The following DDX56 variants were observed in gnomAD, a reference collection of about 807,000 sequenced individuals.
The protein encoded by DDX56 is probable ATP-dependent RNA helicase DDX56.
A neutral mutation model predicts 61.5 loss-of-function variants in DDX56; 45 were observed. The observed-to-expected ratio is 0.73, with a 90% CI of 0.58 to 0.94. The LOEUF (loss-of-function observed/expected upper bound fraction) is 0.94, where lower values mean the gene tolerates loss of function less well. Ranked by LOEUF, DDX56 falls within the 40% of genes least tolerant of loss-of-function variation. The probability of loss-of-function intolerance (pLI) is 0.00; values close to 1 mark genes in which losing one functional copy is unlikely to be tolerated. For synonymous variants in DDX56, 273 were observed against 268.3 expected (o/e 1.02, Z -0.17); for missense variants, 708 against 690.7 (o/e 1.02, Z -0.28).
chr7:44,572,761 C>T lies in DDX56; in HGVS notation c.384-17G>A. ...AGCACAGCTCTGGAGGTGGACAAGA[C>T]ATCAGTATCAGGCAGAATGTAGCAG... On this transcript the variant is annotated splice_polypyrimidine_tract_variant and intron_variant, in intron 3 of 13. Transcript: ENST00000258772. The T allele has an allele frequency of 1.9e-6, 3 of 1,613,952 alleles. No individual in the cohort carries two copies. Among genetic ancestry groups the T allele is most frequent in the Non-Finnish European group, 2.5e-6 (3 of 1,179,862 alleles).
chr7:44,568,206 G>T lies in DDX56; in HGVS notation c.1401C>A (p.Asn467Lys), dbSNP rs1462087972. 6.2e-7 allele frequency: 1 copy of T among 1,611,780 alleles called. No homozygotes were observed. Among genetic ancestry groups the T allele is most frequent in the Non-Finnish European group, 8.5e-7 (1 of 1,178,324 alleles). Residue 467 changes from asparagine to lysine, a missense_variant, in exon 12 of 14, where the codon AAC becomes AAA. Asn to Lys is a moderately conservative substitution (Grantham distance 94, BLOSUM62 0). Transcript: ENST00000258772. ...GCCGCAGCAGCTGGAGGTCCCTAGG[G>T]TTGTCTTCAAAGTATGTCTGCCGGG... Reference protein sequence around the residue: ...SEKLKTYFEDNPRDLQLLRHD... With the variant: ...SEKLKTYFEDKPRDLQLLRHD...
Position 44,571,669 on chromosome 7 carries a change from C to T in DDX56, c.713G>A (p.Cys238Tyr), listed in dbSNP as rs1295574616. The T allele has an allele frequency of 1.2e-6, 2 of 1,614,154 alleles. No individual in the cohort carries two copies. Among genetic ancestry groups the T allele is most frequent in the Admixed American group, 1.7e-5 (1 of 60,020 alleles). ...PDQLQQFQVV[C>Y]ETEEDKFLLL... ...GAGGAATTTGTCTTCCTCAGTCTCA[C>T]AGACCACCTGAAACTGCTGTAACTG... Residue 238 changes from cysteine (C) to tyrosine (Y), a missense_variant, in exon 6 of 14, where the codon TGT (cysteine) becomes TAT (tyrosine). Cys to Tyr is a radical substitution (Grantham distance 194, BLOSUM62 -2). Coordinates refer to ENST00000258772, the MANE Select transcript of DDX56 (RefSeq NM_019082.4).
At chr7:44,566,574 C>G in intron 12 of DDX56, 50 bp from the exon 13 acceptor site, 1 of 1,402,576 alleles carries the variant, frequency 7.1e-7, no homozygotes, top group Non-Finnish European at 9.7e-7. Flanking sequence ...CTGCTCCCAT[C>G]CCTGCCCTCC....
intron 7 of DDX56, among the ~76,000 whole-genome samples, 196 bp from the exon 8 acceptor site, chr7:44,570,324 C>T (rs1195632498): frequency 6.6e-6 from 1 of 152,210 alleles, no homozygotes; most frequent in African/African-American, 2.4e-5. Context: ...ACCCAAATCT[C>T]GGCCTGACCT....
intron 12 of DDX56, chr7:44,567,674 C>G (rs1802576930): frequency 3.9e-6 from 1 of 258,736 alleles, no homozygotes; most frequent in Admixed American, 5.1e-5. Context: ...GAGTCTGTCT[C>G]CCTGCTGACT....
chr7:44,566,793 G>T (rs1802549616), intron 12 of DDX56, among the ~76,000 whole-genome samples: 1 of 152,102 alleles, frequency 6.6e-6, no homozygotes, highest in Non-Finnish European at 1.5e-5. Context: ...AGAAAATGCA[G>T]CTGAAATAAA....
chr7:44,567,986 G>A (rs912602127), intron 12 of DDX56, 132 bp downstream of exon 12: 48 of 734,254 alleles, frequency 6.5e-5, no homozygotes, highest in African/African-American at 1.6e-4. Flanking sequence ...ACATGCCCGC[G>A]TGCTGCCAGG....
chr7:44,569,284 C>A, intron 9 of DDX56, 81 bp from the exon 10 acceptor site: 3 of 1,364,976 alleles, frequency 2.2e-6, no homozygotes, highest in Non-Finnish European at 3.1e-6. Context: ...TGCACCTCCC[C>A]CTTGGGGGAA....
chr7:44,567,297 G>A (rs1238768630), intron 12 of DDX56, among the ~76,000 whole-genome samples: 2 of 152,130 alleles, frequency 1.3e-5, no homozygotes, highest in African/African-American at 4.8e-5. Context: ...CACCTCCATA[G>A]CAGCAACACC....
chr7:44,568,877 C>T, intron 11 of DDX56, 26 bp downstream of exon 11: 1 of 1,578,978 alleles, frequency 6.3e-7, no homozygotes, highest in Non-Finnish European at 8.7e-7. Context: ...TAAGATCTAT[C>T]CCCTTCTCAC....
Position 44,569,001 on chromosome 7 carries a change from GGA to G in DDX56, c.1294-11_1294-10del. ...ACTGAGCGCATGGCATCCTGGGGGTGGACACTGAAGGTCAAGACAGTGAGGCT... is the reference window on the plus strand; with the variant it reads ...ACTGAGCGCATGGCATCCTGGGGGTGCACTGAAGGTCAAGACAGTGAGGCT... On this transcript the variant is annotated splice_polypyrimidine_tract_variant and intron_variant, in intron 10 of 13. Transcript: ENST00000258772. The G allele has an allele frequency of 6.2e-7, 1 of 1,613,882 alleles. No homozygotes were observed. Among genetic ancestry groups the G allele is most frequent in the Non-Finnish European group, 8.5e-7 (1 of 1,179,886 alleles).
chr7:44,568,250 G>C lies in DDX56; in HGVS notation c.1384-27C>G, dbSNP rs1434928617. 3 of 1,522,526 alleles carry C rather than the reference G, an allele frequency of 2.0e-6. No homozygotes were observed. In the African/African-American group the frequency reaches 4.1e-5, roughly 21 times the overall value. 94.3% of individuals were successfully genotyped at this position (1,522,526 alleles called of 1,614,324 possible). On this transcript the variant is annotated intron_variant, in intron 11 of 13. Coordinates refer to ENST00000258772, the MANE Select transcript of DDX56 (RefSeq NM_019082.4). The stretch of plus-strand genomic sequence containing the variant: ...TGCCGGGGGAAGAGGGAGAGCCACA[G>C]AGTGAGCATCTTTCTTCTGTGACTT...
intron 5 of DDX56, among the ~76,000 whole-genome samples, chr7:44,571,966 GA>G (rs1350238201): frequency 6.6e-6 from 1 of 152,160 alleles, no homozygotes; most frequent in Admixed American, 6.5e-5. Context: ...TCCAAGCACA[GA>G]ACAAAGAGAA....
In DDX56 at chr7:44,573,004, G is replaced by A. The variant is rs763935833; in HGVS notation, c.269C>T (p.Pro90Leu). The A allele has an allele frequency of 4.3e-6, 7 of 1,611,990 alleles. No homozygotes were observed. In the African/African-American group the frequency reaches 6.7e-5, roughly 15 times the overall value. ...EQAVRGLVLVPTKELARQAQS... is the reference protein window; with the variant it reads ...EQAVRGLVLVLTKELARQAQS... Reference sequence around the variant, plus strand: ...TGCTTGCCGTGCCAGCTCCTTGGTAGGAACAAGAACAAGGCCTCTCACTGC... The same window carrying A: ...TGCTTGCCGTGCCAGCTCCTTGGTAAGAACAAGAACAAGGCCTCTCACTGC... Residue 90 changes from proline to leucine, a missense_variant, in exon 3 of 14, where the codon CCT becomes CTT. Pro to Leu is a moderately conservative substitution (Grantham distance 98, BLOSUM62 -3). Transcript: ENST00000258772.
In DDX56 at chr7:44,572,415, C is replaced by T. The variant is rs775351901; in HGVS notation, c.577G>A (p.Ala193Thr). 5.0e-6 allele frequency: 8 copies of T among 1,613,988 alleles called. No individual in the cohort carries two copies. The highest frequency in any genetic ancestry group is 5.9e-6 in the Non-Finnish European group (7 of 1,180,028). The change falls in exon 5 of 14, where the codon GCT becomes ACT. Residue 193 changes from alanine (A) to threonine (T), a missense_variant. By Grantham distance (58) the Ala-to-Thr change is moderately conservative. Transcript: ENST00000258772. ...TTAAAAGTAGCTGACATGAGAAAAGCCTGGTAAATCCGGGGCAAGTGACTG... is the reference window on the plus strand; with the variant it reads ...TTAAAAGTAGCTGACATGAGAAAAGTCTGGTAAATCCGGGGCAAGTGACTG... ...LLCHLPRIYQ[A>T]FLMSATFNED...
At chr7:44,569,689 T>C (rs1802624437) in intron 9 of DDX56, 120 bp downstream of exon 9, 1 of 858,330 alleles carries the variant, frequency 1.2e-6, no homozygotes, top group East Asian at 2.7e-5. Context: ...AGAACAAGGA[T>C]GGATGGTGGA....
intron 5 of DDX56, 37 bp from the exon 6 acceptor site, chr7:44,571,773 A>G (rs1328006034): frequency 6.2e-7 from 1 of 1,608,996 alleles, no homozygotes; most frequent in South Asian, 1.1e-5. Flanking sequence ...AGAAAGGAAA[A>G]GAACACAGAG....
Position 44,569,137 on chromosome 7 carries a change from C to T in DDX56, c.1286G>A (p.Arg429His). 2 of 1,613,840 alleles carry T rather than the reference C, an allele frequency of 1.2e-6. No individual in the cohort carries two copies. Among genetic ancestry groups the T allele is most frequent in the Non-Finnish European group, 8.5e-7 (1 of 1,179,740 alleles). Residue 429 changes from arginine to histidine, a missense_variant, in exon 10 of 14, where the codon CGC becomes CAC. By Grantham distance (29) the Arg-to-His change is conservative. Transcript: ENST00000258772. ...RMEEIEGFRYRCRDAMRSVTK... is the reference protein window; with the variant it reads ...RMEEIEGFRYHCRDAMRSVTK... ...CCCACCACAGCAGCTCACCCTGCAG[C>T]GATAGCGGAAGCCCTCGATCTCCTC... is the stretch of plus-strand genomic sequence containing the variant.
chr7:44,566,419 G>A (rs931649964), intron 13 of DDX56, 29 bp downstream of exon 13: 12 of 1,530,240 alleles, frequency 7.8e-6, no homozygotes, highest in African/African-American at 1.4e-5. Context: ...AGGAGTCCTG[G>A]GGCTGTCCGC....
Sources: allele counts gnomAD v4.1 joint callset (sites outside exome capture counted in the v4.1 genomes callset), GRCh38; gene constraint gnomAD v4.1.1; transcripts MANE v1.5; gene names NCBI Gene and HGNC (gene_info 2026-07-23, HGNC 2026-07-21).